Variants in WWC1 observed in about 807,000 individuals in gnomAD.
WWC1 encodes WW and C2 domain containing 1, also known as protein KIBRA.
A neutral mutation model predicts 138.4 loss-of-function variants in WWC1; 55 were observed. That is an observed-to-expected ratio of 0.40 (90% CI 0.32 to 0.50). The LOEUF is 0.50. Among genes scored for constraint, WWC1 ranks in the 20% least tolerant of loss-of-function variants. WWC1 has a pLI of 0.72. For missense variants in WWC1, 1,226 were observed against 1,420.4 expected, an observed-to-expected ratio of 0.86 and a Z score of 2.20; for synonymous variants, 524 against 564.9, an observed-to-expected ratio of 0.93 and a Z score of 1.03.
chr5:168,352,500 C>T (rs1240915910), intron 1 of WWC1, among the ~76,000 whole-genome samples: 3 of 152,028 alleles, frequency 2.0e-5, no homozygotes, highest in Non-Finnish European at 4.4e-5. Context: ...CCCAGCTCTG[C>T]CACCTTCCAG....
intron 3 of WWC1, 118 bp downstream of exon 3, chr5:168,385,532 A>G: frequency 9.6e-7 from 1 of 1,037,746 alleles, no homozygotes; most frequent in Non-Finnish European, 1.4e-6. Flanking sequence ...TCTTTGTCCA[A>G]ACCACCATCT....
At chr5:168,460,291 G>A (rs61124035) in intron 19 of WWC1, among the ~76,000 whole-genome samples, 2,980 of 152,260 alleles carry the variant, frequency 0.02, 120 homozygotes, top group African/African-American at 0.069. Flanking sequence ...CCTGCTGTGC[G>A]GCTGACCAGC....
At position 168,335,850 on chromosome 5, in the gene WWC1, A is replaced by G. The variant is rs961916795; in HGVS notation, c.120-35574A>G. Among the ~76,000 whole-genome samples, 13 of 152,356 alleles carry G rather than the reference A, an allele frequency of 8.5e-5. 1 individual carries two copies. The highest frequency in any genetic ancestry group is 7.2e-4 in the Admixed American group (11 of 15,306). ...TTCTGAAATTACTAAACTGAGGCTT[A>G]GAGAAATTAATTAGCAGAACCAGGA... is the stretch of plus-strand genomic sequence containing the variant. On this transcript the variant is annotated intron_variant, in intron 1 of 22. Transcript: ENST00000265293.
At chr5:168,378,248 A>T (rs1777372248) in intron 2 of WWC1, among the ~76,000 whole-genome samples, 1 of 152,306 alleles carries the variant, frequency 6.6e-6, no homozygotes, top group South Asian at 2.1e-4. Context: ...ACTTATCGAC[A>T]TAAAAGATGG....
At chr5:168,321,232 T>G (rs1476773547) in intron 1 of WWC1, among the ~76,000 whole-genome samples, 2 of 152,140 alleles carry the variant, frequency 1.3e-5, no homozygotes, top group Non-Finnish European at 2.9e-5. Context: ...TAGCTTCCCC[T>G]TTTCTTCCCA....
At chr5:168,342,182 G>C (rs1019107640) in intron 1 of WWC1, among the ~76,000 whole-genome samples, 2 of 152,342 alleles carry the variant, frequency 1.3e-5, no homozygotes, top group Middle Eastern at 3.4e-3. Flanking sequence ...GGGAGTATTT[G>C]ACACAGCTCA....
At position 168,423,976 on chromosome 5, in the gene WWC1, G is replaced by GAGCCAC; in HGVS notation, c.1718_1719insAGCCAC (p.Ser573delinsArgAlaThr). On this transcript the variant is annotated protein_altering_variant, in exon 11 of 23. Transcript: ENST00000265293. ...TTGGAGTTTGAAGACCCGGAGCTGA[G>GAGCCAC]TGCCACTCTTTGTGAACTGAGCCTT... The GAGCCAC allele has an allele frequency of 6.2e-7, 1 of 1,614,168 alleles. No homozygotes were observed. The highest frequency in any genetic ancestry group is 8.5e-7 in the Non-Finnish European group (1 of 1,180,038).
At chr5:168,307,072 T>G (rs943820908) in intron 1 of WWC1, among the ~76,000 whole-genome samples, 7 of 152,222 alleles carry the variant, frequency 4.6e-5, no homozygotes, top group African/African-American at 1.7e-4. Flanking sequence ...TTGCTAATAT[T>G]TATTACAACT....
At chr5:168,352,007 G>A (rs1446300965) in intron 1 of WWC1, among the ~76,000 whole-genome samples, 7 of 152,194 alleles carry the variant, frequency 4.6e-5, no homozygotes, top group African/African-American at 1.7e-4. Context: ...CGATCTCAGA[G>A]CTGCCCTTTG....
chr5:168,397,951 G>T, intron 4 of WWC1, 151 bp downstream of exon 4: 1 of 764,200 alleles, frequency 1.3e-6, no homozygotes. Flanking sequence ...AGAAGCGGTA[G>T]TCACAGTAAT....
intron 1 of WWC1, among the ~76,000 whole-genome samples, chr5:168,368,981 A>G (rs1253991191): frequency 1.3e-5 from 2 of 151,912 alleles, no homozygotes; most frequent in Admixed American, 1.3e-4. Flanking sequence ...CCCTCCTTCT[A>G]CTCCAAAATG....
In WWC1 at chr5:168,300,727, G is replaced by A. The variant is rs551808835; in HGVS notation, c.119+8456G>A. On this transcript the variant is annotated intron_variant, in intron 1 of 22. Coordinates refer to ENST00000265293, the MANE Select transcript of WWC1 (RefSeq NM_015238.3). ...GACTTTCCCCAGTCGGCTGCCTGCT[G>A]TTGCCCAGGCCTGTTTTGGTAGCAA... Among the ~76,000 whole-genome samples, 29 of 152,200 alleles carry A rather than the reference G, an allele frequency of 1.9e-4. 2 individuals are homozygous for A. The South Asian group carries it at 5.6e-3, about 29-fold the overall frequency.
At chr5:168,308,060 A>G (rs951853799) in intron 1 of WWC1, among the ~76,000 whole-genome samples, 3 of 152,188 alleles carry the variant, frequency 2.0e-5, no homozygotes, top group Non-Finnish European at 2.9e-5. Context: ...TGCTTGCCCA[A>G]TAGAACATCC....
At chr5:168,465,940 A>G (rs1329554264) in intron 21 of WWC1, among the ~76,000 whole-genome samples, 1 of 152,118 alleles carries the variant, frequency 6.6e-6, no homozygotes, top group Non-Finnish European at 1.5e-5. Flanking sequence ...GCTACTGCCC[A>G]GTGTGGAGGA....
chr5:168,397,947 G>T, intron 4 of WWC1, 147 bp downstream of exon 4: 1 of 771,786 alleles, frequency 1.3e-6, no homozygotes. Context: ...CAGTAGAAGC[G>T]GTAGTCACAG....
intron 11 of WWC1, among the ~76,000 whole-genome samples, chr5:168,425,055 A>C (rs968331951): frequency 6.6e-6 from 1 of 152,200 alleles, no homozygotes; most frequent in Admixed American, 6.5e-5. Flanking sequence ...ATACATGGTG[A>C]AATCAGTTAT....
intron 17 of WWC1, among the ~76,000 whole-genome samples, chr5:168,451,558 G>A (rs1015011547): frequency 2.0e-5 from 3 of 151,970 alleles, no homozygotes; most frequent in Admixed American, 6.6e-5. Context: ...TAAATTAGCC[G>A]GGCATGGTGG....
At chr5:168,390,906 C>T (rs1312507620) in intron 3 of WWC1, among the ~76,000 whole-genome samples, 1 of 152,188 alleles carries the variant, frequency 6.6e-6, no homozygotes, top group Non-Finnish European at 1.5e-5. Flanking sequence ...CCTCCTGAAT[C>T]ACACACACAG....
intron 1 of WWC1, among the ~76,000 whole-genome samples, chr5:168,323,121 A>G (rs949977635): frequency 6.6e-6 from 1 of 152,234 alleles, no homozygotes; most frequent in African/African-American, 2.4e-5. Flanking sequence ...CAGTAGAGAA[A>G]TGGAACTAAA....
Sources: allele counts gnomAD v4.1 joint callset (sites outside exome capture counted in the v4.1 genomes callset), GRCh38; gene constraint gnomAD v4.1.1; transcripts MANE v1.5; gene names NCBI Gene and HGNC (gene_info 2026-07-23, HGNC 2026-07-21).